UBE2R2: variants seen among roughly 807,000 people sequenced by gnomAD.
The protein encoded by UBE2R2 is ubiquitin-conjugating enzyme E2 R2.
In UBE2R2, 1 loss-of-function variant was observed where a neutral mutation model predicts 27.8. The observed-to-expected ratio is 0.04, with a 90% CI of 0.01 to 0.17. The LOEUF is 0.17. UBE2R2 is among the 10% of genes least tolerant of loss of function. The pLI is 1.00. For missense variants in UBE2R2, 100 were observed against 291.0 expected, an observed-to-expected ratio of 0.34 and a Z score of 4.78; for synonymous variants, 106 against 113.3, an observed-to-expected ratio of 0.94 and a Z score of 0.41.
At chr9:33,905,771 A>G (rs1822340675) in intron 3 of UBE2R2, among the ~76,000 whole-genome samples, 1 of 152,198 alleles carries the variant, frequency 6.6e-6, no homozygotes, top group Non-Finnish European at 1.5e-5. Context: ...ACATGCAATG[A>G]GGACTGAGCT....
At chr9:33,836,476 C>A (rs970837421) in intron 1 of UBE2R2, among the ~76,000 whole-genome samples, 6 of 152,084 alleles carry the variant, frequency 3.9e-5, no homozygotes, top group African/African-American at 1.4e-4. Context: ...GAATATTTTG[C>A]TGGGCTTGGT....
intron 1 of UBE2R2, among the ~76,000 whole-genome samples, chr9:33,869,423 T>TTTTATTTA (rs78245446): frequency 0.024 from 3,509 of 146,594 alleles, 53 homozygotes; most frequent in African/African-American, 0.033. Flanking sequence ...ATATACAATG[T>TTTTATTTA]TTTATTTATT....
intron 1 of UBE2R2, among the ~76,000 whole-genome samples, chr9:33,838,908 C>G (rs1447179376): frequency 2.0e-5 from 3 of 151,730 alleles, no homozygotes. Context: ...ATGGAGAAAC[C>G]TGGTCTATAC....
intron 2 of UBE2R2, among the ~76,000 whole-genome samples, chr9:33,892,327 C>T (rs1822006192): frequency 6.6e-6 from 1 of 152,152 alleles, no homozygotes. Context: ...ACTTTCTTTA[C>T]TACAGACTTC....
intron 1 of UBE2R2, among the ~76,000 whole-genome samples, chr9:33,818,181 C>T (rs570229725): frequency 3.0e-4 from 45 of 151,542 alleles, no homozygotes; most frequent in African/African-American, 9.8e-4. Context: ...CGGAGAGCCT[C>T]TCTGGTTAGG....
rs997231125 is a variant in UBE2R2 at position 33,918,176 on chromosome 9, T to C, written c.*939T>C. On this transcript the variant is annotated 3_prime_UTR_variant, in exon 5 of 5. Coordinates refer to ENST00000263228, the MANE Select transcript of UBE2R2 (RefSeq NM_017811.4). ...GTGACCACTGTTGGGAGAGGAAACA[T>C]CTGTTTTATAGATTTAGCATGGCCT... 2.0e-5 allele frequency: 3 copies of C among 152,436 alleles called. No individual in the cohort carries two copies. Among genetic ancestry groups the C allele is most frequent in the Non-Finnish European group, 4.4e-5 (3 of 68,008 alleles). 9.4% of individuals were successfully genotyped at this position (152,436 alleles called of 1,614,324 possible).
intron 1 of UBE2R2, among the ~76,000 whole-genome samples, chr9:33,867,146 C>T (rs1027428954): frequency 7.2e-5 from 11 of 152,186 alleles, no homozygotes; most frequent in African/African-American, 2.6e-4. Flanking sequence ...CCTCGGCCTC[C>T]AAAAGTGCTG....
intron 3 of UBE2R2, among the ~76,000 whole-genome samples, chr9:33,902,196 G>GC (rs1326747874): frequency 6.6e-6 from 1 of 152,008 alleles, no homozygotes; most frequent in Non-Finnish European, 1.5e-5. Context: ...TTATAGGTGT[G>GC]CCCCAAAGCA....
At chr9:33,849,852 AC>A (rs1820926385) in intron 1 of UBE2R2, among the ~76,000 whole-genome samples, 1 of 151,724 alleles carries the variant, frequency 6.6e-6, no homozygotes, top group African/African-American at 2.4e-5. Context: ...ACAGAACCAG[AC>A]CCCCTCTTTG....
intron 1 of UBE2R2, among the ~76,000 whole-genome samples, chr9:33,835,967 A>G (rs1820605455): frequency 6.6e-6 from 1 of 152,196 alleles, no homozygotes; most frequent in Admixed American, 6.5e-5. Context: ...CTAAGAAGCT[A>G]AGTGTTGTTT....
At chr9:33,869,724 A>G (rs995845281) in intron 1 of UBE2R2, among the ~76,000 whole-genome samples, 1 of 152,164 alleles carries the variant, frequency 6.6e-6, no homozygotes, top group African/African-American at 2.4e-5. Context: ...TGCTGGGATT[A>G]CAGGTGTGAG....
chr9:33,828,217 G>A (rs1452890157), intron 1 of UBE2R2, among the ~76,000 whole-genome samples: 1 of 150,366 alleles, frequency 6.7e-6, no homozygotes, highest in African/African-American at 2.4e-5. Flanking sequence ...CAGAAGAATC[G>A]CTTGAACCTG....
chr9:33,866,299 C>T (rs1821360909), intron 1 of UBE2R2, among the ~76,000 whole-genome samples: 2 of 151,046 alleles, frequency 1.3e-5, no homozygotes, highest in African/African-American at 2.4e-5. Flanking sequence ...AGTGCAGTGG[C>T]ATGATCTCAG....
chr9:33,861,553 C>G (rs941147173), intron 1 of UBE2R2, among the ~76,000 whole-genome samples: 1 of 151,648 alleles, frequency 6.6e-6, no homozygotes, highest in East Asian at 2.0e-4. Flanking sequence ...GATCATGCCA[C>G]TGCACTCTAG....
chr9:33,850,895 A>C (rs1459807576), intron 1 of UBE2R2, among the ~76,000 whole-genome samples: 6 of 152,206 alleles, frequency 3.9e-5, no homozygotes, highest in Non-Finnish European at 8.8e-5. Flanking sequence ...GCCACACTTC[A>C]GGTGAGCCCT....
intron 1 of UBE2R2, among the ~76,000 whole-genome samples, chr9:33,820,291 A>C (rs1334176402): frequency 2.0e-5 from 3 of 152,244 alleles, no homozygotes; most frequent in African/African-American, 7.2e-5. Flanking sequence ...CTTGTTTAAA[A>C]GAATGATTTA....
At chr9:33,877,896 C>T (rs1480494058) in intron 1 of UBE2R2, among the ~76,000 whole-genome samples, 1 of 149,810 alleles carries the variant, frequency 6.7e-6, no homozygotes, top group African/African-American at 2.5e-5. Context: ...GCTGGCATTA[C>T]AGGCAACTGC....
chr9:33,916,947 T>G, intron 4 of UBE2R2, 71 bp from the exon 5 acceptor site: 1 of 1,571,390 alleles, frequency 6.4e-7, no homozygotes, highest in Non-Finnish European at 8.6e-7. Context: ...TATTGATTAT[T>G]TAAGGCCAAT....
intron 1 of UBE2R2, among the ~76,000 whole-genome samples, chr9:33,839,141 A>C (rs938940064): frequency 5.3e-5 from 8 of 152,032 alleles, no homozygotes; most frequent in Admixed American, 3.9e-4. Context: ...ACATATGTTG[A>C]AACATAATCC....
Sources: gnomAD v4.1 joint callset for allele counts (sites outside exome capture counted in the v4.1 genomes callset) on GRCh38, gnomAD v4.1.1 for gene constraint, MANE v1.5 for transcripts, NCBI Gene and HGNC (gene_info 2026-07-23, HGNC 2026-07-21) for gene names.